PFKFB3: variants seen among roughly 807,000 people sequenced by gnomAD.
The protein encoded by PFKFB3 is 6-phosphofructo-2-kinase/fructose-2,6-bisphosphatase 3.
A neutral mutation model predicts 68.0 loss-of-function variants in PFKFB3; 33 were observed. The ratio of observed to expected loss-of-function variants is 0.49; its 90% CI spans 0.37 to 0.65. The LOEUF (loss-of-function observed/expected upper bound fraction) is 0.65, where lower values mean the gene tolerates loss of function less well. Ranked by LOEUF, PFKFB3 falls within the 30% of genes least tolerant of loss-of-function variation. The pLI, the probability that PFKFB3 is intolerant of heterozygous loss-of-function variation, is 0.00. For synonymous variants in PFKFB3, 315 were observed against 288.2 expected, an observed-to-expected ratio of 1.09 and a Z score of -0.94; for missense variants, 586 against 712.2, an observed-to-expected ratio of 0.82 and a Z score of 2.02.
chr10:6,229,312 T>G lies in PFKFB3; in HGVS notation c.1515+2947T>G. 1 of 377,692 alleles carries G rather than the reference T, an allele frequency of 2.6e-6. No individual in the cohort carries two copies. Among genetic ancestry groups the G allele is most frequent in the South Asian group, 1.9e-5 (1 of 52,198 alleles). 23.4% of individuals were successfully genotyped at this position (377,692 alleles called of 1,614,324 possible). On this transcript the variant is annotated intron_variant, in intron 14 of 14. Coordinates refer to ENST00000379775, the MANE Select transcript of PFKFB3 (RefSeq NM_004566.4). This position sits in a 1 kb window ranked among gnomAD's most constrained non-coding sequence, Gnocchi z 4.3. ...GGCAGTCAGTCCCCCGTTTAATGGTTGAGGGGCTGAGTGACCGGCCCGTGC... is the reference window on the plus strand; with the variant it reads ...GGCAGTCAGTCCCCCGTTTAATGGTGGAGGGGCTGAGTGACCGGCCCGTGC...
At chr10:6,231,203 T>C in intron 14 of PFKFB3, 2 of 1,199,578 alleles carry the variant, frequency 1.7e-6, no homozygotes, top group Non-Finnish European at 2.5e-6. Context: ...CTACTAAAGA[T>C]TTTCTTTTTT....
chr10:6,324,010 C>T, the PFKFB3 span, among the ~76,000 whole-genome samples: 2 of 152,132 alleles, frequency 1.3e-5, no homozygotes, highest in African/African-American at 4.8e-5. Context: ...ACTTGTACAC[C>T]CACATTTATA....
intron 1 of PFKFB3, among the ~76,000 whole-genome samples, chr10:6,161,642 AG>A (rs1225928501): frequency 3.7e-5 from 1 of 27,322 alleles, no homozygotes; most frequent in Non-Finnish European, 2.7e-4. Context: ...ATATATAGAG[AG>A]AGAGAGAGAG....
At chr10:6,259,707 T>TAGTC in the PFKFB3 span, among the ~76,000 whole-genome samples, 16 of 152,240 alleles carry the variant, frequency 1.1e-4, no homozygotes, top group Non-Finnish European at 2.2e-4. Context: ...AGCATTGTGG[T>TAGTC]AGTCACCTTG....
At position 6,220,834 on chromosome 10, in the gene PFKFB3, G is replaced by A; in HGVS notation, c.800G>A (p.Gly267Asp). Residue 267 changes from glycine (G) to aspartate (D), a missense_variant, in exon 8 of 15, where the codon GGC (glycine) becomes GAC (aspartate). By Grantham distance (94) the Gly-to-Asp change is moderately conservative. Coordinates refer to ENST00000379775, the MANE Select transcript of PFKFB3 (RefSeq NM_004566.4). This position sits in a 1 kb window ranked among gnomAD's most constrained non-coding sequence, Gnocchi z 4.1. ...NEHNLQGRIG[G>D]DSGLSSRGKK... The stretch of plus-strand genomic sequence containing the variant: ...CACAACCTCCAGGGCCGCATCGGGG[G>A]CGACTCAGGCCTGTCCAGCCGGGGC... The A allele has an allele frequency of 6.2e-7, 1 of 1,612,942 alleles. No homozygotes were observed.
chr10:6,310,027 A>G, the PFKFB3 span, among the ~76,000 whole-genome samples: 1 of 152,210 alleles, frequency 6.6e-6, no homozygotes, highest in Non-Finnish European at 1.5e-5. Flanking sequence ...CGCATAAATC[A>G]TGGAATTTCT....
chr10:6,245,253 T>C (rs1003090599), intron 14 of PFKFB3, among the ~76,000 whole-genome samples: 7 of 150,522 alleles, frequency 4.7e-5, no homozygotes, highest in East Asian at 2.0e-4. Flanking sequence ...TACGCCACCA[T>C]GCCTGGCTAA....
intron 1 of PFKFB3, among the ~76,000 whole-genome samples, chr10:6,212,945 T>C (rs1844325395): frequency 6.6e-6 from 1 of 152,088 alleles, no homozygotes; most frequent in Non-Finnish European, 1.5e-5. Context: ...TGTCCCCATG[T>C]TGTATTGGAA....
the PFKFB3 span, among the ~76,000 whole-genome samples, chr10:6,274,336 G>T: frequency 6.6e-6 from 1 of 152,172 alleles, no homozygotes; most frequent in Non-Finnish European, 1.5e-5. Flanking sequence ...CTCCAGGGTT[G>T]ATCCTGAGCC....
At chr10:6,280,618 C>T in the PFKFB3 span, among the ~76,000 whole-genome samples, 2,970 of 152,202 alleles carry the variant, frequency 0.02, 103 homozygotes, top group African/African-American at 0.067. Context: ...ACCTTCTCTG[C>T]AGGAGCCCTG....
chr10:6,318,260 C>T, the PFKFB3 span, among the ~76,000 whole-genome samples: 6 of 152,308 alleles, frequency 3.9e-5, no homozygotes, highest in South Asian at 1.2e-3. Flanking sequence ...CCCCTGGGAG[C>T]AGATGCATCT....
In PFKFB3 at chr10:6,228,172, T is replaced by G. The variant is rs754302181; in HGVS notation, c.1515+1807T>G. Reference sequence around the variant, plus strand: ...ATTGCGCCCTGCCTCCTGACTGACTTCTCTCTCTGCTTCTCCTCCGCAGCC... The same window carrying G: ...ATTGCGCCCTGCCTCCTGACTGACTGCTCTCTCTGCTTCTCCTCCGCAGCC... On this transcript the variant is annotated intron_variant, in intron 14 of 14. Coordinates refer to ENST00000379775, the MANE Select transcript of PFKFB3 (RefSeq NM_004566.4). This position sits in a 1 kb window ranked among gnomAD's most constrained non-coding sequence, Gnocchi z 4.5. The G allele has an allele frequency of 4.3e-6, 7 of 1,610,362 alleles. No homozygotes were observed. Among genetic ancestry groups the G allele is most frequent in the Non-Finnish European group, 5.9e-6 (7 of 1,179,716 alleles).
chr10:6,155,388 T>C (rs1475521525), intron 1 of PFKFB3, among the ~76,000 whole-genome samples: 1 of 151,906 alleles, frequency 6.6e-6, no homozygotes, highest in Admixed American at 6.6e-5. Flanking sequence ...GTATTTTTCA[T>C]AGAGACGGGG....
At chr10:6,201,999 A>C (rs1843377823), upstream of PFKFB3, among the ~76,000 whole-genome samples, 1 of 152,208 alleles carries the variant, frequency 6.6e-6, no homozygotes, top group South Asian at 2.1e-4. The surrounding 1 kb of genome is among the most constrained non-coding windows in gnomAD (Gnocchi z 4.1). Context: ...TAACGGAGTG[A>C]ATTTTAGGAG....
chr10:6,178,836 C>T (rs966404499), intron 1 of PFKFB3, among the ~76,000 whole-genome samples: 19 of 152,238 alleles, frequency 1.2e-4, no homozygotes, highest in Non-Finnish European at 2.2e-4. Context: ...TGGAGAGTGG[C>T]CTGGCTGAGC....
At chr10:6,193,064 ATT>A (rs1416052909) in intron 1 of PFKFB3, among the ~76,000 whole-genome samples, 3 of 152,096 alleles carry the variant, frequency 2.0e-5, no homozygotes, top group African/African-American at 7.2e-5. Flanking sequence ...AGGATTATAT[ATT>A]GAGGTTGGAC....
At chr10:6,202,109 C>A (rs576560060), upstream of PFKFB3, among the ~76,000 whole-genome samples, 9 of 152,352 alleles carry the variant, frequency 5.9e-5, 1 homozygote, top group South Asian at 1.9e-3. Flanking sequence ...CTACTCGGGG[C>A]GATAAAGGTT....
At chr10:6,150,709 A>G (rs1841547382) in intron 1 of PFKFB3, among the ~76,000 whole-genome samples, 1 of 152,170 alleles carries the variant, frequency 6.6e-6, no homozygotes, top group Admixed American at 6.5e-5. Flanking sequence ...AATAAAGACA[A>G]TACCCAGGCT....
At chr10:6,163,385 C>A (rs1440041152) in intron 1 of PFKFB3, among the ~76,000 whole-genome samples, 2 of 152,176 alleles carry the variant, frequency 1.3e-5, no homozygotes. Flanking sequence ...TTTAAGGTAA[C>A]CCCCCACAAC....
Sources: gnomAD v4.1 joint callset for allele counts (sites outside exome capture counted in the v4.1 genomes callset) on GRCh38, gnomAD v4.1.1 for gene constraint, Gnocchi (gnomAD v3.1) non-coding constraint, MANE v1.5 for transcripts, NCBI Gene and HGNC (gene_info 2026-07-23, HGNC 2026-07-21) for gene names.